The following AGBL1 variants were observed in gnomAD, a reference collection of about 807,000 sequenced individuals.
The protein encoded by AGBL1 is AGBL carboxypeptidase 1.
AGBL1 carries 130 observed loss-of-function variants against 118.9 expected under a neutral mutation model. The ratio of observed to expected loss-of-function variants is 1.09; its 90% CI spans 0.95 to 1.26. The LOEUF (loss-of-function observed/expected upper bound fraction) is 1.26, where lower values mean the gene tolerates loss of function less well. Among genes scored for constraint, AGBL1 ranks in the 50% most tolerant of loss-of-function variants. The probability of loss-of-function intolerance (pLI) is 0.00; values close to 1 mark genes in which losing one functional copy is unlikely to be tolerated. For synonymous variants in AGBL1, 555 were observed against 478.9 expected, an observed-to-expected ratio of 1.16 and a Z score of -2.08; for missense variants, 1,584 against 1,298.1, an observed-to-expected ratio of 1.22 and a Z score of -3.38.
intron 18 of AGBL1, among the ~76,000 whole-genome samples, chr15:86,521,934 G>A (rs1317310290): frequency 6.6e-6 from 1 of 152,108 alleles, no homozygotes; most frequent in Non-Finnish European, 1.5e-5. Context: ...TGACCCTACT[G>A]AGTAAATAAT....
intron 22 of AGBL1, among the ~76,000 whole-genome samples, chr15:86,754,965 A>C (rs1181859615): frequency 6.6e-6 from 1 of 152,022 alleles, no homozygotes. Flanking sequence ...TTGGAGCCTT[A>C]CTAACTGGAG....
At chr15:86,444,947 T>TA (rs2082104558) in intron 18 of AGBL1, among the ~76,000 whole-genome samples, 2 of 152,208 alleles carry the variant, frequency 1.3e-5, no homozygotes, top group Non-Finnish European at 2.9e-5. Context: ...AAAAATAAAT[T>TA]GAGATACATT....
chr15:86,158,501 T>C (rs2077222982), intron 4 of AGBL1, among the ~76,000 whole-genome samples: 1 of 152,202 alleles, frequency 6.6e-6, no homozygotes, highest in Non-Finnish European at 1.5e-5. Context: ...TAAAGTGATC[T>C]AAGTGGAATA....
At chr15:86,666,714 A>G (rs1318223046) in intron 21 of AGBL1, among the ~76,000 whole-genome samples, 1 of 152,198 alleles carries the variant, frequency 6.6e-6, no homozygotes, top group Non-Finnish European at 1.5e-5. Context: ...TGGACCAACT[A>G]CTGATCTCAA....
intron 22 of AGBL1, among the ~76,000 whole-genome samples, chr15:86,897,011 G>A (rs1277595761): frequency 1.3e-5 from 2 of 152,166 alleles, no homozygotes; most frequent in African/African-American, 2.4e-5. Flanking sequence ...ATGTTAGACA[G>A]TGTCTTTCTT....
At chr15:86,616,572 T>C (rs1241425456) in intron 21 of AGBL1, among the ~76,000 whole-genome samples, 1 of 152,158 alleles carries the variant, frequency 6.6e-6, no homozygotes, top group Non-Finnish European at 1.5e-5. Flanking sequence ...GATTTTGTTA[T>C]TGATTTAACT....
chr15:86,879,606 G>A (rs188614744), intron 22 of AGBL1, among the ~76,000 whole-genome samples: 44 of 152,216 alleles, frequency 2.9e-4, no homozygotes, highest in South Asian at 4.1e-4. Context: ...TGTAATTACC[G>A]AAGGAACTCC....
rs2079318529 is a variant in AGBL1 at position 86,279,750 on chromosome 15, C to T, written c.2187C>T (p.Ala729=). The T allele has an allele frequency of 3.7e-6, 6 of 1,613,838 alleles. No individual in the cohort carries two copies. The highest frequency in any genetic ancestry group is 5.1e-6 in the Non-Finnish European group (6 of 1,179,786). ...ACAGTGAGGATGTCTGCTACCTGGC[C>T]TACCACTATCCCTATACCTACACAG... ...FPHSEDVCYL[A]YHYPYTYTAL... Residue 729 remains alanine (A), a synonymous_variant, in exon 16 of 23, where the codon GCC becomes GCT. Coordinates refer to ENST00000614907, the MANE Select transcript of AGBL1 (RefSeq NM_001386094.1).
intron 5 of AGBL1, among the ~76,000 whole-genome samples, chr15:86,204,238 A>G (rs188380716): frequency 6.6e-6 from 1 of 152,230 alleles, no homozygotes; most frequent in East Asian, 1.9e-4. Flanking sequence ...CTAGCACCAT[A>G]TTCTCCTGCC....
chr15:86,645,408 T>C (rs889509774), intron 21 of AGBL1, among the ~76,000 whole-genome samples: 1 of 152,190 alleles, frequency 6.6e-6, no homozygotes, highest in Non-Finnish European at 1.5e-5. Context: ...AATTAAAAAA[T>C]GGGAAGATAA....
chr15:86,119,443 G>C (rs1166105997), intron 1 of AGBL1, among the ~76,000 whole-genome samples: 1 of 151,852 alleles, frequency 6.6e-6, no homozygotes, highest in East Asian at 1.9e-4. Flanking sequence ...TACTGCCAAC[G>C]GTTGCTGAGT....
intron 21 of AGBL1, among the ~76,000 whole-genome samples, chr15:86,588,809 G>A (rs1437469234): frequency 6.6e-6 from 1 of 152,180 alleles, no homozygotes; most frequent in African/African-American, 2.4e-5. Context: ...TATTGATAGT[G>A]ACTCTTCCTC....
chr15:86,483,126 A>T (rs949853733), intron 18 of AGBL1, among the ~76,000 whole-genome samples: 3 of 152,114 alleles, frequency 2.0e-5, no homozygotes, highest in African/African-American at 7.2e-5. Context: ...ACTGAGCTGC[A>T]TGCCTCTCCA....
At chr15:86,488,259 A>G (rs549002134) in intron 18 of AGBL1, among the ~76,000 whole-genome samples, 1 of 152,154 alleles carries the variant, frequency 6.6e-6, no homozygotes, top group African/African-American at 2.4e-5. Flanking sequence ...ACCCGAAGAT[A>G]TGTATTCTGT....
At chr15:86,330,072 A>G (rs1011278504) in intron 17 of AGBL1, among the ~76,000 whole-genome samples, 3 of 152,182 alleles carry the variant, frequency 2.0e-5, no homozygotes, top group African/African-American at 7.2e-5. Flanking sequence ...GCTTGTGCCT[A>G]CCATCAAGAG....
intron 17 of AGBL1, among the ~76,000 whole-genome samples, chr15:86,351,491 T>A (rs1478044729): frequency 2.6e-5 from 4 of 152,166 alleles, no homozygotes. Flanking sequence ...CCTCTACCAT[T>A]GTGTGTTGGT....
At chr15:86,691,904 C>T (rs1472119365) in intron 22 of AGBL1, among the ~76,000 whole-genome samples, 1 of 151,976 alleles carries the variant, frequency 6.6e-6, no homozygotes, top group Admixed American at 6.6e-5. Context: ...ATCCCATGTC[C>T]AATCATTAAC....
rs1409799759 is a variant in AGBL1 at position 86,913,436 on chromosome 15, G to A, written c.*6142G>A. 2 of 152,168 alleles carry A rather than the reference G, an allele frequency of 1.3e-5. No homozygotes were observed. The highest frequency in any genetic ancestry group is 2.4e-5 in the African/African-American group (1 of 41,408). The allele number at this position is 152,168 out of a possible 1,614,324, so 9.4% of individuals were successfully genotyped here. ...TGTACTTGAAGTGTGTATATATTCT[G>A]GGCCAGTTCCAATGCAAAGTAAAAT... On this transcript the variant is annotated 3_prime_UTR_variant, in exon 23 of 23. Transcript: ENST00000614907.
chr15:86,574,062 A>G (rs945657603), intron 21 of AGBL1, among the ~76,000 whole-genome samples: 2 of 152,240 alleles, frequency 1.3e-5, no homozygotes, highest in African/African-American at 4.8e-5. Flanking sequence ...AAAAAACCAT[A>G]AAAGTGAGAG....
Sources: allele counts gnomAD v4.1 joint callset (sites outside exome capture counted in the v4.1 genomes callset), GRCh38; gene constraint gnomAD v4.1.1; transcripts MANE v1.5; gene names NCBI Gene and HGNC (gene_info 2026-07-23, HGNC 2026-07-21).